NOS1AP: variants seen among roughly 807,000 people sequenced by gnomAD.
The protein encoded by NOS1AP is nitric oxide synthase 1 adaptor protein.
Under a neutral mutation model 56.2 loss-of-function variants are expected in NOS1AP, and 21 were observed. That is an observed-to-expected ratio of 0.37 (90% confidence interval 0.26 to 0.54). The LOEUF (loss-of-function observed/expected upper bound fraction) is 0.54, where lower values mean the gene tolerates loss of function less well. Among genes scored for constraint, NOS1AP ranks in the 20% least tolerant of loss-of-function variants. NOS1AP has a pLI of 0.84. For missense variants in NOS1AP, 522 were observed against 657.8 expected (o/e 0.79, Z 2.26); for synonymous variants, 270 against 274.6 (o/e 0.98, Z 0.17).
rs977369169 is a variant in NOS1AP, at chr1:162,287,496, G to T, written c.270+60G>T. 3.6e-6 allele frequency: 4 copies of T among 1,103,554 alleles called. No homozygotes were observed. In the African/African-American group the frequency reaches 4.6e-5, roughly 13 times the overall value. The allele number at this position is 1,103,554 out of a possible 1,614,324, so 68.4% of individuals were successfully genotyped here. A position where few individuals can be genotyped will look rare whatever the true frequency, so the allele number is the denominator to read the frequency against. ...GGAAAGCAGGGGAGGTAGGCATGGG[G>T]TACCTTCTTCTTCTGGGCCCACCTC... On this transcript the variant is annotated intron_variant, in intron 3 of 9. Transcript: ENST00000361897.
Position 162,198,190 on chromosome 1 carries a change from G to C in NOS1AP, c.177+43714G>C, listed in dbSNP as rs182800730. 1.1e-3 allele frequency among the ~76,000 whole-genome samples: 161 copies of C among 152,342 alleles called. 3 individuals are homozygous for C. The highest frequency in any genetic ancestry group is 9.8e-3 in the Admixed American group (150 of 15,306). On this transcript the variant is annotated intron_variant, in intron 2 of 9. Transcript: ENST00000361897. ...TAGGGGCTGGGAGGGAGCTAGGGGA[G>C]CCAGGGAGAGAATGACATTTTAATT...
chr1:162,131,203 A>G (rs1385676141), intron 1 of NOS1AP, among the ~76,000 whole-genome samples: 2 of 152,048 alleles, frequency 1.3e-5, no homozygotes, highest in Non-Finnish European at 2.9e-5. Flanking sequence ...AGTTTCAAGG[A>G]ATCTTTAGTC....
intron 1 of NOS1AP, among the ~76,000 whole-genome samples, chr1:162,091,013 G>A (rs894228734): frequency 2.0e-5 from 3 of 152,076 alleles, no homozygotes; most frequent in African/African-American, 7.2e-5. Context: ...AAGGAGGGTT[G>A]GTTTGGTAGT....
intron 4 of NOS1AP, among the ~76,000 whole-genome samples, chr1:162,321,077 G>A (rs1656399270): frequency 6.6e-6 from 1 of 152,116 alleles, no homozygotes; most frequent in Non-Finnish European, 1.5e-5. Context: ...TAACATTTAA[G>A]TCTTTAATCC....
chr1:162,276,027 A>G (rs1378415525), intron 2 of NOS1AP, among the ~76,000 whole-genome samples: 1 of 152,228 alleles, frequency 6.6e-6, no homozygotes, highest in African/African-American at 2.4e-5. Context: ...TGTATTGTCT[A>G]TGGCTGTTTT....
chr1:162,115,874 A>G (rs1477722840), intron 1 of NOS1AP, among the ~76,000 whole-genome samples: 2 of 152,158 alleles, frequency 1.3e-5, no homozygotes, highest in Non-Finnish European at 1.5e-5. Context: ...AGTTGATCAG[A>G]TATTTATGGG....
intron 2 of NOS1AP, among the ~76,000 whole-genome samples, chr1:162,284,151 C>T (rs1350567323): frequency 6.6e-6 from 1 of 152,214 alleles, no homozygotes; most frequent in Non-Finnish European, 1.5e-5. Flanking sequence ...CATTATCTCT[C>T]CTCTGTCCAA....
chr1:162,149,748 C>T lies in NOS1AP; in HGVS notation c.106-4657C>T, dbSNP rs567873673. ...GGATGACCCTAAGGTGCAGCTATAG[C>T]GAAAACAGGTTATTTATTCCAGACA... is the stretch of plus-strand genomic sequence containing the variant. On this transcript the variant is annotated intron_variant, in intron 1 of 9. Coordinates refer to ENST00000361897, the MANE Select transcript of NOS1AP (RefSeq NM_014697.3). 5.9e-5 allele frequency among the ~76,000 whole-genome samples: 9 copies of T among 152,198 alleles called. No individual in the cohort carries two copies. The South Asian group carries it at 1.2e-3, about 21-fold the overall frequency.
chr1:162,110,453 G>T (rs903889555), intron 1 of NOS1AP, among the ~76,000 whole-genome samples: 2 of 152,084 alleles, frequency 1.3e-5, no homozygotes, highest in Non-Finnish European at 2.9e-5. Flanking sequence ...CACGTTATTT[G>T]TTCCTCCTTA....
chr1:162,170,991 A>G (rs1650751232), intron 2 of NOS1AP, among the ~76,000 whole-genome samples: 1 of 151,980 alleles, frequency 6.6e-6, no homozygotes, highest in Admixed American at 6.6e-5. Context: ...AGGCAGCTAA[A>G]CGGGTGGAGC....
chr1:162,321,053 T>A (rs1656397871), intron 4 of NOS1AP, among the ~76,000 whole-genome samples: 1 of 152,172 alleles, frequency 6.6e-6, no homozygotes, highest in Non-Finnish European at 1.5e-5. Context: ...CTAGGGTGTT[T>A]ATGGTTTTGG....
rs563003258 is a variant in NOS1AP at position 162,296,176 on chromosome 1, A to G, written c.271-4457A>G. Among the ~76,000 whole-genome samples the G allele has an allele frequency of 1.5e-3, 228 of 152,046 alleles. 1 individual carries two copies. The highest frequency in any genetic ancestry group is 2.5e-3 in the Non-Finnish European group (167 of 68,014). On this transcript the variant is annotated intron_variant, in intron 3 of 9. Transcript: ENST00000361897. ...GTGGTGAGTGCCTGTAGTCCCAACT[A>G]CTCAGGAGACTGAGGCAGGAGAATC... is the stretch of plus-strand genomic sequence containing the variant.
intron 4 of NOS1AP, among the ~76,000 whole-genome samples, chr1:162,305,142 A>T (rs985694792): frequency 2.0e-5 from 3 of 152,152 alleles, no homozygotes; most frequent in Non-Finnish European, 4.4e-5. Flanking sequence ...ATAAATATAT[A>T]TAACATAAAT....
intron 2 of NOS1AP, among the ~76,000 whole-genome samples, chr1:162,202,930 G>C (rs1652042882): frequency 6.6e-6 from 1 of 152,152 alleles, no homozygotes. Flanking sequence ...CTGTAGGTCT[G>C]TTTCCTTTCT....
intron 2 of NOS1AP, chr1:162,157,154 C>T (rs1480797887): frequency 6.5e-6 from 1 of 154,438 alleles, no homozygotes; most frequent in Non-Finnish European, 1.5e-5. Flanking sequence ...AATGTGACCC[C>T]AGTCTCCTTT....
At chr1:162,183,311 G>A (rs1203882193) in intron 2 of NOS1AP, among the ~76,000 whole-genome samples, 1 of 152,222 alleles carries the variant, frequency 6.6e-6, no homozygotes, top group Admixed American at 6.5e-5. Flanking sequence ...GAGATGGGCT[G>A]TCATGCCGTC....
At chr1:162,083,451 G>C (rs114914210) in intron 1 of NOS1AP, among the ~76,000 whole-genome samples, 29 of 152,222 alleles carry the variant, frequency 1.9e-4, no homozygotes, top group African/African-American at 6.3e-4. Flanking sequence ...ATATTGCCCA[G>C]TCTGGTCTCA....
At chr1:162,161,488 A>G (rs1650214243) in intron 2 of NOS1AP, among the ~76,000 whole-genome samples, 1 of 152,236 alleles carries the variant, frequency 6.6e-6, no homozygotes, top group Non-Finnish European at 1.5e-5. Flanking sequence ...AATTGGGATA[A>G]TGTCCTCTTG....
intron 2 of NOS1AP, among the ~76,000 whole-genome samples, chr1:162,168,158 A>G (rs1417054200): frequency 2.0e-5 from 3 of 152,228 alleles, no homozygotes; most frequent in African/African-American, 7.2e-5. Context: ...TAGGCAATGA[A>G]TGGCCAGGAT....
Sources: gnomAD v4.1 joint callset for allele counts (sites outside exome capture counted in the v4.1 genomes callset) on GRCh38, gnomAD v4.1.1 for gene constraint, MANE v1.5 for transcripts, NCBI Gene and HGNC (gene_info 2026-07-23, HGNC 2026-07-21) for gene names.